Variants in SLIT2 observed in about 807,000 individuals in gnomAD.
The protein encoded by SLIT2 is slit guidance ligand 2, also known as slit homolog 2 protein.
A neutral mutation model predicts 185.7 loss-of-function variants in SLIT2; 41 were observed. That is an observed-to-expected ratio of 0.22 (90% CI 0.17 to 0.29). SLIT2 has a LOEUF of 0.29. Ranked by LOEUF, SLIT2 falls within the 10% of genes least tolerant of loss-of-function variation. The probability of loss-of-function intolerance (pLI) is 1.00; values close to 1 mark genes in which losing one functional copy is unlikely to be tolerated. For synonymous variants in SLIT2, 693 were observed against 680.2 expected (o/e 1.02, Z -0.29); for missense variants, 1,571 against 1,909.0 (o/e 0.82, Z 3.30).
At chr4:20,433,374 T>C (rs1729126906) in intron 4 of SLIT2, among the ~76,000 whole-genome samples, 1 of 152,214 alleles carries the variant, frequency 6.6e-6, no homozygotes, top group Non-Finnish European at 1.5e-5. Flanking sequence ...TAACATATTG[T>C]TAACATATGA....
intron 29 of SLIT2, 22 bp from the exon 30 acceptor site, chr4:20,589,622 A>G (rs751158898): frequency 1.9e-6 from 3 of 1,595,992 alleles, no homozygotes; most frequent in Non-Finnish European, 2.6e-6. Flanking sequence ...TCTATGAGCT[A>G]ACACTGTTTG....
At chr4:20,599,867 G>T (rs1366425026) in intron 33 of SLIT2, among the ~76,000 whole-genome samples, 1 of 152,146 alleles carries the variant, frequency 6.6e-6, no homozygotes, top group East Asian at 1.9e-4. Context: ...GTATCAATGT[G>T]CTTTAAAAGT....
intron 4 of SLIT2, among the ~76,000 whole-genome samples, chr4:20,352,869 C>A (rs3924655): frequency 0.094 from 14,277 of 152,108 alleles, 709 homozygotes; most frequent in African/African-American, 0.14. Flanking sequence ...GCCGAGAGTG[C>A]GTCACTGCAA....
chr4:20,433,243 G>A (rs1035413104), intron 4 of SLIT2, among the ~76,000 whole-genome samples: 3 of 152,212 alleles, frequency 2.0e-5, no homozygotes, highest in Admixed American at 6.5e-5. Flanking sequence ...GAAACAGTCG[G>A]CATTTCTGCC....
intron 33 of SLIT2, among the ~76,000 whole-genome samples, chr4:20,606,147 A>G (rs1172190642): frequency 6.6e-6 from 1 of 152,164 alleles, no homozygotes; most frequent in Admixed American, 6.5e-5. Flanking sequence ...CCAAGTTAGA[A>G]TGTTATTAAC....
intron 4 of SLIT2, among the ~76,000 whole-genome samples, chr4:20,419,698 T>TGTGTGTGTGTGA (rs1728012069): frequency 6.6e-6 from 1 of 151,850 alleles, no homozygotes; most frequent in African/African-American, 2.4e-5. Context: ...TGTGTGTGTG[T>TGTGTGTGTGTGA]GTGTGTGTGT....
intron 29 of SLIT2, among the ~76,000 whole-genome samples, chr4:20,580,750 A>C (rs1317135876): frequency 6.6e-6 from 1 of 151,746 alleles, no homozygotes; most frequent in African/African-American, 2.4e-5. Flanking sequence ...CAGCAAATGT[A>C]GAGCTAATCT....
At chr4:20,453,605 AAG>A (rs1452537015) in intron 4 of SLIT2, among the ~76,000 whole-genome samples, 1 of 152,200 alleles carries the variant, frequency 6.6e-6, no homozygotes, top group East Asian at 1.9e-4. Flanking sequence ...AGAAGTTTAA[AAG>A]AGAAAGAAAA....
At chr4:20,434,532 T>C (rs1001844359) in intron 4 of SLIT2, among the ~76,000 whole-genome samples, 6 of 152,106 alleles carry the variant, frequency 3.9e-5, no homozygotes, top group Admixed American at 3.9e-4. Context: ...ATGGCTTTTA[T>C]AGTGTCTCAG....
intron 19 of SLIT2, among the ~76,000 whole-genome samples, chr4:20,541,005 A>G (rs557788655): frequency 1.3e-5 from 2 of 152,276 alleles, no homozygotes; most frequent in South Asian, 4.1e-4. Context: ...TGAGATGACA[A>G]ATTAATGAAT....
chr4:20,416,437 C>T (rs954615280), intron 4 of SLIT2, among the ~76,000 whole-genome samples: 10 of 152,088 alleles, frequency 6.6e-5, no homozygotes, highest in African/African-American at 2.4e-4. Flanking sequence ...CTTAAAGGTC[C>T]TATCACCAAA....
chr4:20,301,263 G>A (rs1271105113), intron 4 of SLIT2, among the ~76,000 whole-genome samples: 1 of 151,948 alleles, frequency 6.6e-6, no homozygotes, highest in Non-Finnish European at 1.5e-5. Flanking sequence ...TGGCTATTTG[G>A]GATACATCTT....
At chr4:20,605,733 ATTTT>A (rs1728746450) in intron 33 of SLIT2, among the ~76,000 whole-genome samples, 1 of 148,858 alleles carries the variant, frequency 6.7e-6, no homozygotes, top group Non-Finnish European at 1.5e-5. Context: ...ATTTTATTTT[ATTTT>A]ATTTTATTTT....
At chr4:20,423,093 A>G (rs1197910278) in intron 4 of SLIT2, among the ~76,000 whole-genome samples, 4 of 151,978 alleles carry the variant, frequency 2.6e-5, no homozygotes, top group Non-Finnish European at 5.9e-5. Context: ...TGTTTCTTTC[A>G]TGCCTTCTCC....
chr4:20,461,228 A>G (rs978065779), intron 4 of SLIT2, among the ~76,000 whole-genome samples: 2 of 152,202 alleles, frequency 1.3e-5, no homozygotes, highest in African/African-American at 2.4e-5. Flanking sequence ...AACGATATGG[A>G]AGATCATATA....
chr4:20,552,049 AT>A (rs1450303784), intron 25 of SLIT2, among the ~76,000 whole-genome samples: 27 of 152,176 alleles, frequency 1.8e-4, no homozygotes, highest in Non-Finnish European at 3.7e-4. Flanking sequence ...GAGCCTTTAC[AT>A]TTTCGTGTTT....
In SLIT2 at chr4:20,331,191, G is replaced by T. The variant is rs1000891487; in HGVS notation, c.395+62310G>T. On this transcript the variant is annotated intron_variant, in intron 4 of 36. Coordinates refer to ENST00000504154, the MANE Select transcript of SLIT2 (RefSeq NM_004787.4). ...TTGAATTTTCAGTAAATTTCATAAA[G>T]ATTTCTATGAATTCACATAGGAAAA... 2.6e-5 allele frequency among the ~76,000 whole-genome samples: 4 copies of T among 152,176 alleles called. No individual in the cohort carries two copies. In the East Asian group the frequency reaches 7.7e-4, roughly 29 times the overall value.
At chr4:20,586,098 A>G (rs768636371) in intron 29 of SLIT2, among the ~76,000 whole-genome samples, 4 of 152,284 alleles carry the variant, frequency 2.6e-5, no homozygotes, top group East Asian at 1.9e-4. Context: ...TTCCCTTCTT[A>G]TATTGAGCTC....
rs1327953781 is a variant in SLIT2 at position 20,528,871 on chromosome 4, A to C, written c.1463-78A>C. 3 of 1,161,636 alleles carry C rather than the reference A, an allele frequency of 2.6e-6. No individual in the cohort carries two copies. The East Asian group carries it at 7.1e-5, about 28-fold the overall frequency. The allele number at this position is 1,161,636 out of a possible 1,614,324, so 72.0% of individuals were successfully genotyped here. ...CTGCTACATAATCTATAGTTATCTT[A>C]CTTTTTTCTTCCTACAAACTAATAA... is the stretch of plus-strand genomic sequence containing the variant. On this transcript the variant is annotated intron_variant, in intron 15 of 36. Coordinates refer to ENST00000504154, the MANE Select transcript of SLIT2 (RefSeq NM_004787.4). This position sits in a 1 kb window ranked among gnomAD's most constrained non-coding sequence, Gnocchi z 4.2.
Sources: gnomAD v4.1 joint callset for allele counts (sites outside exome capture counted in the v4.1 genomes callset) on GRCh38, gnomAD v4.1.1 for gene constraint, Gnocchi (gnomAD v3.1) non-coding constraint, MANE v1.5 for transcripts, NCBI Gene and HGNC (gene_info 2026-07-23, HGNC 2026-07-21) for gene names.